RALGPS2: variants seen among roughly 807,000 people sequenced by gnomAD.
The protein encoded by RALGPS2 is ras-specific guanine nucleotide-releasing factor RalGPS2.
A neutral mutation model predicts 86.8 loss-of-function variants in RALGPS2; 43 were observed. The observed-to-expected ratio is 0.50, with a 90% CI of 0.39 to 0.64. The LOEUF is 0.64. RALGPS2 is among the 30% of genes least tolerant of loss of function. The probability of loss-of-function intolerance (pLI) is 0.00; values close to 1 mark genes in which losing one functional copy is unlikely to be tolerated. For synonymous variants in RALGPS2, 243 were observed against 231.3 expected (o/e 1.05, Z -0.46); for missense variants, 536 against 694.6 (o/e 0.77, Z 2.57).
intron 6 of RALGPS2, among the ~76,000 whole-genome samples, chr1:178,816,162 C>T (rs927080977): frequency 9.2e-5 from 14 of 152,170 alleles, no homozygotes; most frequent in Non-Finnish European, 1.9e-4. Flanking sequence ...TATTTTCCAA[C>T]ATAACCCGGT....
At chr1:178,835,291 TCTTTGAGC>T (rs1345995961) in intron 8 of RALGPS2, among the ~76,000 whole-genome samples, 1 of 152,190 alleles carries the variant, frequency 6.6e-6, no homozygotes, top group Non-Finnish European at 1.5e-5. Context: ...TGAATTTTCT[TCTTTGAGC>T]CTTGTTCTCT....
At chr1:178,790,567 A>G in intron 4 of RALGPS2, among the ~76,000 whole-genome samples, 1 of 152,090 alleles carries the variant, frequency 6.6e-6, no homozygotes, top group African/African-American at 2.4e-5. Context: ...CAAATATTTT[A>G]TGTAGATGGT....
intron 4 of RALGPS2, among the ~76,000 whole-genome samples, chr1:178,787,477 C>T (rs111922997): frequency 2.6e-5 from 4 of 152,198 alleles, no homozygotes; most frequent in Non-Finnish European, 4.4e-5. Context: ...CTTTTTTCTC[C>T]GCTAAGCCTT....
chr1:178,754,333 C>T (rs1377116923), intron 1 of RALGPS2, among the ~76,000 whole-genome samples: 1 of 151,862 alleles, frequency 6.6e-6, no homozygotes, highest in Non-Finnish European at 1.5e-5. Flanking sequence ...GCTGAGAAGT[C>T]CCAAGATATG....
chr1:178,823,991 T>C (rs1346112784), intron 7 of RALGPS2, among the ~76,000 whole-genome samples: 1 of 152,110 alleles, frequency 6.6e-6, no homozygotes, highest in African/African-American at 2.4e-5. Flanking sequence ...CAAGTAGAGA[T>C]TGGAAAAATG....
At chr1:178,837,528 A>G (rs900265009) in intron 8 of RALGPS2, among the ~76,000 whole-genome samples, 1 of 152,186 alleles carries the variant, frequency 6.6e-6, no homozygotes, top group Non-Finnish European at 1.5e-5. Context: ...TTACCCAAGA[A>G]TTAGAAAACA....
At chr1:178,799,561 C>T (rs115658624) in intron 4 of RALGPS2, among the ~76,000 whole-genome samples, 6 of 152,120 alleles carry the variant, frequency 3.9e-5, no homozygotes, top group South Asian at 2.1e-4. Context: ...ACCAGCTGCC[C>T]GTCTTTGGAT....
At position 178,885,231 on chromosome 1, in the gene RALGPS2, T is replaced by C; in HGVS notation, c.1040+20T>C. Reference sequence around the variant, plus strand: ...TTATAAGTCAGCATTTTTAATTTTATCTTTCAAATTTTTAAGTCTTTTGTA... The same window carrying C: ...TTATAAGTCAGCATTTTTAATTTTACCTTTCAAATTTTTAAGTCTTTTGTA... On this transcript the variant is annotated intron_variant, in intron 12 of 19. Transcript: ENST00000367635. The C allele has an allele frequency of 6.3e-7, 1 of 1,595,660 alleles. No individual in the cohort carries two copies.
chr1:178,727,684 T>C (rs1261156835), intron 1 of RALGPS2, among the ~76,000 whole-genome samples: 1 of 152,176 alleles, frequency 6.6e-6, no homozygotes, highest in African/African-American at 2.4e-5. Flanking sequence ...GTGTAGTGAA[T>C]GATGGATATA....
intron 8 of RALGPS2, among the ~76,000 whole-genome samples, chr1:178,854,767 C>T (rs1572405891): frequency 6.6e-6 from 1 of 152,210 alleles, no homozygotes; most frequent in East Asian, 1.9e-4. Context: ...CATTTGCCCT[C>T]ATGTTATTTC....
chr1:178,768,102 T>C (rs1267390730), intron 1 of RALGPS2, among the ~76,000 whole-genome samples: 1 of 152,246 alleles, frequency 6.6e-6, no homozygotes, highest in East Asian at 1.9e-4. Flanking sequence ...TAGAAGTTTC[T>C]TTGTGTTGAT....
intron 8 of RALGPS2, chr1:178,853,816 C>T: frequency 6.6e-7 from 1 of 1,506,668 alleles, no homozygotes; most frequent in South Asian, 1.4e-5. Flanking sequence ...TTATTATCAG[C>T]AAACTTAATA....
intron 17 of RALGPS2, among the ~76,000 whole-genome samples, chr1:178,899,620 T>G (rs1660081451): frequency 7.2e-6 from 1 of 138,398 alleles, no homozygotes; most frequent in African/African-American, 3.3e-5. Context: ...TTGTTGTGTT[T>G]TGGTTTTGGT....
chr1:178,884,098 T>C (rs976065575), intron 11 of RALGPS2, among the ~76,000 whole-genome samples: 3 of 152,206 alleles, frequency 2.0e-5, no homozygotes, highest in East Asian at 1.9e-4. Flanking sequence ...TAAGTAGTTA[T>C]GAATATTCAT....
intron 4 of RALGPS2, among the ~76,000 whole-genome samples, chr1:178,802,417 T>TA (rs1326727304): frequency 6.6e-6 from 1 of 152,142 alleles, no homozygotes; most frequent in African/African-American, 2.4e-5. Context: ...CCAGCATCTC[T>TA]AGTGGTGCTT....
intron 7 of RALGPS2, among the ~76,000 whole-genome samples, chr1:178,827,191 G>A (rs1423414225): frequency 6.6e-6 from 1 of 152,176 alleles, no homozygotes; most frequent in Non-Finnish European, 1.5e-5. Context: ...CTGTGTTTGT[G>A]CATTGGAAGA....
intron 1 of RALGPS2, chr1:178,746,744 A>G: frequency 1.3e-6 from 1 of 793,556 alleles, no homozygotes; most frequent in East Asian, 2.4e-5. Context: ...CCTCTATTTC[A>G]TCTGCTGCAC....
At chr1:178,837,443 C>G (rs1558142222) in intron 8 of RALGPS2, among the ~76,000 whole-genome samples, 1 of 152,184 alleles carries the variant, frequency 6.6e-6, no homozygotes, top group Non-Finnish European at 1.5e-5. Flanking sequence ...ACACTACAGC[C>G]TGGTGTTTTA....
At chr1:178,725,827 G>C (rs1313495776) in intron 1 of RALGPS2, 1 of 152,358 alleles carries the variant, frequency 6.6e-6, no homozygotes, top group Non-Finnish European at 1.5e-5. Flanking sequence ...GCCCGATCCC[G>C]GACCTCGGAG....
Sources: gnomAD v4.1 joint callset for allele counts (sites outside exome capture counted in the v4.1 genomes callset) on GRCh38, gnomAD v4.1.1 for gene constraint, MANE v1.5 for transcripts, NCBI Gene and HGNC (gene_info 2026-07-23, HGNC 2026-07-21) for gene names.